The following AKAP13 variants were observed in gnomAD, a reference collection of about 807,000 sequenced individuals.
AKAP13 encodes A-kinase anchor protein 13.
In AKAP13, 80 loss-of-function variants were observed where a neutral mutation model predicts 264.5. That is an observed-to-expected ratio of 0.30 (90% CI 0.25 to 0.36). The LOEUF is 0.36. AKAP13 is among the 10% of genes least tolerant of loss of function. The pLI is 1.00. For synonymous variants in AKAP13, 1,380 were observed against 1,250.2 expected, an observed-to-expected ratio of 1.10 and a Z score of -2.19; for missense variants, 3,712 against 3,435.2, an observed-to-expected ratio of 1.08 and a Z score of -2.01.
intron 1 of AKAP13, among the ~76,000 whole-genome samples, chr15:85,437,859 C>G (rs1462364252): frequency 6.6e-6 from 1 of 151,714 alleles, no homozygotes; most frequent in East Asian, 1.9e-4. Context: ...CAGCCAATAT[C>G]ATACTGAATG....
rs756516243 is a variant in AKAP13, at chr15:85,645,907, C to G, written c.4327C>G (p.Leu1443Val). The G allele has an allele frequency of 8.1e-6, 13 of 1,613,720 alleles. No homozygotes were observed. In the Admixed American group the frequency reaches 2.0e-4, roughly 25 times the overall value. The change falls in exon 10 of 37, where the codon CTC becomes GTC. Residue 1443 changes from leucine (L) to valine (V), a missense_variant. Leu to Val is a conservative substitution (Grantham distance 32). Around this residue, in one of 3 missense-constraint regions of AKAP13, gnomAD observed 2,759 missense variants for 2,411.7 expected, o/e 1.14. Coordinates refer to ENST00000394518, the MANE Select transcript of AKAP13 (RefSeq NM_007200.5). ...LKRESGSDSD[L>V]FHSPSDDMDS... ...AAGAGAATCTGGGAGTGATTCTGAC[C>G]TCTTTCACTCACCCAGTGATGACAT...
intron 2 of AKAP13, among the ~76,000 whole-genome samples, chr15:85,503,502 C>T (rs2086234059): frequency 6.6e-6 from 1 of 152,170 alleles, no homozygotes; most frequent in South Asian, 2.1e-4. Context: ...TCCATGGTCT[C>T]AGCATGTTGT....
chr15:85,508,142 A>ATTT (rs79249227), intron 2 of AKAP13, among the ~76,000 whole-genome samples: 1 of 137,946 alleles, frequency 7.2e-6, no homozygotes, highest in Non-Finnish European at 1.6e-5. Flanking sequence ...ACTTTGTGTA[A>ATTT]TTTTTTTTTT....
At chr15:85,467,190 A>G (rs2074775304) in intron 1 of AKAP13, among the ~76,000 whole-genome samples, 1 of 152,124 alleles carries the variant, frequency 6.6e-6, no homozygotes, top group Non-Finnish European at 1.5e-5. Context: ...TGAACACTAT[A>G]GTATATTTTA....
intron 8 of AKAP13, among the ~76,000 whole-genome samples, chr15:85,622,417 TGTG>T (rs1371863206): frequency 2.6e-5 from 4 of 152,054 alleles, no homozygotes; most frequent in Non-Finnish European, 5.9e-5. Flanking sequence ...ACAGGGCCAT[TGTG>T]GTGGATGGGA....
At chr15:85,731,900 T>G (rs4843095) in intron 30 of AKAP13, among the ~76,000 whole-genome samples, 29,357 of 151,948 alleles carry the variant, frequency 0.19, 3,767 homozygotes, top group Middle Eastern at 0.43. Context: ...GTGGCCCACA[T>G]GGTGCAACCC....
chr15:85,620,422 G>T (rs1388510817), intron 8 of AKAP13, among the ~76,000 whole-genome samples: 2 of 152,146 alleles, frequency 1.3e-5, no homozygotes, highest in Non-Finnish European at 1.5e-5. Context: ...GGATTCTTAT[G>T]CTTGGGAGAA....
intron 1 of AKAP13, among the ~76,000 whole-genome samples, chr15:85,439,811 G>T (rs972841405): frequency 1.7e-5 from 2 of 119,864 alleles, no homozygotes; most frequent in African/African-American, 3.1e-5. Context: ...CACACTCTGG[G>T]GACTGTGGTG....
intron 2 of AKAP13, among the ~76,000 whole-genome samples, chr15:85,519,568 A>G (rs573189272): frequency 6.6e-6 from 1 of 152,334 alleles, no homozygotes; most frequent in East Asian, 1.9e-4. Flanking sequence ...AAGATTACAC[A>G]TTTTACCAGG....
chr15:85,623,912 C>G (rs2081298604), intron 8 of AKAP13, among the ~76,000 whole-genome samples: 1 of 152,218 alleles, frequency 6.6e-6, no homozygotes, highest in Non-Finnish European at 1.5e-5. Context: ...CCCTTTGGTA[C>G]CAATATGCCC....
In AKAP13 at chr15:85,388,343, C is replaced by T. The variant is rs569948321; in HGVS notation, c.-12+7545C>T. ...TACAGGCGTGAGCTACAGCGCTGGG[C>T]GTGATTTCTTTTTGTTACTTTGCTG... On this transcript the variant is annotated intron_variant, in intron 1 of 36. Transcript: ENST00000394518. 5.9e-5 allele frequency among the ~76,000 whole-genome samples: 9 copies of T among 152,190 alleles called. No individual in the cohort carries two copies. In the East Asian group the frequency reaches 1.5e-3, roughly 26 times the overall value.
intron 1 of AKAP13, among the ~76,000 whole-genome samples, chr15:85,392,197 A>ATT (rs56004924): frequency 3.6e-5 from 5 of 139,314 alleles, no homozygotes; most frequent in Non-Finnish European, 7.7e-5. Context: ...TACTTATTCC[A>ATT]TTTTTTTTTT....
intron 8 of AKAP13, among the ~76,000 whole-genome samples, chr15:85,638,940 G>A (rs1313851835): frequency 6.6e-6 from 1 of 152,074 alleles, no homozygotes; most frequent in Non-Finnish European, 1.5e-5. Flanking sequence ...TTGTATTTTA[G>A]TAGAGATGGG....
chr15:85,726,705 A>G (rs984625851), intron 27 of AKAP13, among the ~76,000 whole-genome samples: 6 of 152,240 alleles, frequency 3.9e-5, no homozygotes, highest in African/African-American at 1.4e-4. Context: ...AGTGTCTTGG[A>G]CATCTGACTA....
chr15:85,622,270 T>C (rs1596758096), intron 8 of AKAP13, among the ~76,000 whole-genome samples: 1 of 152,198 alleles, frequency 6.6e-6, no homozygotes. Context: ...GAATGGTCTT[T>C]AGACAGAAGA....
At chr15:85,531,763 T>C (rs2077249411) in intron 3 of AKAP13, among the ~76,000 whole-genome samples, 1 of 152,212 alleles carries the variant, frequency 6.6e-6, no homozygotes, top group Non-Finnish European at 1.5e-5. Flanking sequence ...TGGAAGGCAG[T>C]GGGAGTATCG....
At chr15:85,621,501 T>C (rs2081183149) in intron 8 of AKAP13, 1 of 152,236 alleles carries the variant, frequency 6.6e-6, no homozygotes, top group African/African-American at 2.4e-5. Flanking sequence ...ATGTCCATGA[T>C]ACCCTATGAT....
Position 85,578,957 on chromosome 15 carries a change from C to G in AKAP13, c.889C>G (p.Leu297Val), listed in dbSNP as rs753527532. 1 of 1,613,812 alleles carries G rather than the reference C, an allele frequency of 6.2e-7. No individual in the cohort carries two copies. The highest frequency in any genetic ancestry group is 1.3e-5 in the African/African-American group (1 of 74,838). ...MKTNLKQMDS[L>V]MPLMMTAQDP... ...AACAAACCTCAAGCAGATGGACAGT[C>G]TTATGCCCTTAATGATGACAGCACA... The change falls in exon 7 of 37, where the codon CTT (leucine) becomes GTT (valine). Residue 297 changes from leucine to valine, a missense_variant. Coordinates refer to ENST00000394518, the MANE Select transcript of AKAP13 (RefSeq NM_007200.5).
At chr15:85,671,137 T>G (rs2151568514) in intron 14 of AKAP13, among the ~76,000 whole-genome samples, 1 of 152,180 alleles carries the variant, frequency 6.6e-6, no homozygotes, top group East Asian at 1.9e-4. Flanking sequence ...GTTTATGGGG[T>G]TTCCTCATTG....
Sources: gnomAD v4.1 joint callset for allele counts (sites outside exome capture counted in the v4.1 genomes callset) on GRCh38, gnomAD v4.1.1 for gene constraint, gnomAD v4.1.1 regional missense constraint, MANE v1.5 for transcripts, NCBI Gene and HGNC (gene_info 2026-07-23, HGNC 2026-07-21) for gene names.